The following EYA1 variants were observed in gnomAD, a reference collection of about 807,000 sequenced individuals.
The protein encoded by EYA1 is protein phosphatase EYA1.
Under a neutral mutation model 82.0 loss-of-function variants are expected in EYA1, and 16 were observed. The observed-to-expected ratio is 0.20, with a 90% CI of 0.13 to 0.30. The LOEUF (loss-of-function observed/expected upper bound fraction) is 0.30. EYA1 is among the 10% of genes least tolerant of loss of function. The probability of loss-of-function intolerance (pLI) is 1.00; values close to 1 mark genes in which losing one functional copy is unlikely to be tolerated. For synonymous variants in EYA1, 261 were observed against 264.4 expected (o/e 0.99, Z 0.12); for missense variants, 633 against 730.7 (o/e 0.87, Z 1.54).
At position 71,397,110 on chromosome 8, in the gene EYA1, C is replaced by A. The variant is rs190989217; in HGVS notation, c.34-40599G>T. Among the ~76,000 whole-genome samples the A allele has an allele frequency of 8.5e-5, 13 of 152,226 alleles. No homozygotes were observed. The East Asian group carries it at 2.3e-3, about 27-fold the overall frequency. The stretch of plus-strand genomic sequence containing the variant: ...GTTTTATCAGAGACCAGGATTGCAA[C>A]CCCTGCTTTTTTTTGTTTTCCATTT... On this transcript the variant is annotated intron_variant, in intron 2 of 18. Coordinates refer to the EYA1 transcript ENST00000643681.
At chr8:71,217,802 A>G (rs1809405891) in intron 12 of EYA1, among the ~76,000 whole-genome samples, 1 of 152,182 alleles carries the variant, frequency 6.6e-6, no homozygotes, top group African/African-American at 2.4e-5. Flanking sequence ...TAAATCCCAA[A>G]CTGTGTAAAC....
chr8:71,326,184 A>T (rs1409439009), intron 4 of EYA1, among the ~76,000 whole-genome samples: 1 of 152,174 alleles, frequency 6.6e-6, no homozygotes, highest in African/African-American at 2.4e-5. Context: ...AATGAATAAT[A>T]ATTACAATCT....
intron 2 of EYA1, among the ~76,000 whole-genome samples, chr8:71,456,017 C>T (rs1807869497): frequency 6.6e-6 from 1 of 152,214 alleles, no homozygotes; most frequent in African/African-American, 2.4e-5. Context: ...CCCATTATCT[C>T]AGCCCAAAAT....
chr8:71,495,411 C>T (rs1321959708), intron 2 of EYA1, among the ~76,000 whole-genome samples: 2 of 151,928 alleles, frequency 1.3e-5, no homozygotes, highest in African/African-American at 2.4e-5. Context: ...GTCAGGAGTT[C>T]GAGACCAACC....
At chr8:71,477,529 T>C (rs563056929) in intron 2 of EYA1, among the ~76,000 whole-genome samples, 1 of 150,782 alleles carries the variant, frequency 6.6e-6, no homozygotes, top group East Asian at 2.0e-4. Context: ...ACTCCCTATG[T>C]ACTAGGATGA....
At chr8:71,439,711 G>C (rs1806269262) in intron 2 of EYA1, among the ~76,000 whole-genome samples, 2 of 152,128 alleles carry the variant, frequency 1.3e-5, no homozygotes, top group South Asian at 4.1e-4. Flanking sequence ...TCAGTTGCAA[G>C]ACTGCTCAGT....
chr8:71,437,083 TTATATA>T (rs59140624), intron 2 of EYA1, among the ~76,000 whole-genome samples: 62 of 144,928 alleles, frequency 4.3e-4, no homozygotes, highest in African/African-American at 1.2e-3. Flanking sequence ...TCCATCTTGT[TTATATA>T]TATATATATA....
chr8:71,246,527 CT>C (rs1373946354), intron 11 of EYA1, among the ~76,000 whole-genome samples: 1 of 152,170 alleles, frequency 6.6e-6, no homozygotes, highest in Non-Finnish European at 1.5e-5. Context: ...TGTGTTACCC[CT>C]ACTCTTTAAC....
intron 2 of EYA1, among the ~76,000 whole-genome samples, chr8:71,498,308 GATAA>G (rs1811569081): frequency 6.6e-6 from 1 of 152,104 alleles, no homozygotes; most frequent in Non-Finnish European, 1.5e-5. Context: ...TGTTGTACAT[GATAA>G]ATACATACAA....
chr8:71,468,166 A>T (rs1262564952), intron 2 of EYA1, among the ~76,000 whole-genome samples: 1 of 152,172 alleles, frequency 6.6e-6, no homozygotes, highest in Non-Finnish European at 1.5e-5. Flanking sequence ...TGGATCCATG[A>T]GATTTATTAT....
At position 71,472,786 on chromosome 8, in the gene EYA1, A is replaced by AAG. The variant is rs796164821; in HGVS notation, c.33+62956_33+62957dup. Among the ~76,000 whole-genome samples the AAG allele has an allele frequency of 9.5e-3, 782 of 82,432 alleles. 7 individuals carry two copies. The highest frequency in any genetic ancestry group is 0.032 in the Middle Eastern group (4 of 124). The allele number at this position is 82,432 out of a possible 152,430, so 54.1% of individuals were successfully genotyped here. A position where few individuals can be genotyped will look rare whatever the true frequency, so the allele number is the denominator to read the frequency against. On this transcript the variant is annotated intron_variant, in intron 2 of 18. Coordinates refer to the EYA1 transcript ENST00000643681. Reference sequence around the variant, plus strand: ...TACATGCATTTTAGATGTAGCTTTGAAGATATATATATATATATATATATA... The same window carrying AAG: ...TACATGCATTTTAGATGTAGCTTTGAAGAGATATATATATATATATATATATA...
At chr8:71,507,536 C>CAT (rs1247330630) in intron 2 of EYA1, among the ~76,000 whole-genome samples, 4 of 152,194 alleles carry the variant, frequency 2.6e-5, no homozygotes, top group Admixed American at 6.5e-5. Context: ...TCATCCCACA[C>CAT]ATGTAATTGT....
intron 7 of EYA1, among the ~76,000 whole-genome samples, chr8:71,301,798 C>T (rs17711309): frequency 0.091 from 13,904 of 152,096 alleles, 785 homozygotes; most frequent in South Asian, 0.2. Context: ...GTGGTAATTA[C>T]ATGCAAAGGA....
At chr8:71,333,496 T>C (rs557337462) in intron 4 of EYA1, among the ~76,000 whole-genome samples, 1 of 152,220 alleles carries the variant, frequency 6.6e-6, no homozygotes, top group Non-Finnish European at 1.5e-5. Flanking sequence ...GGCAAACATA[T>C]AATCACATTC....
intron 2 of EYA1, among the ~76,000 whole-genome samples, chr8:71,393,095 A>G (rs1829370656): frequency 6.6e-6 from 1 of 152,148 alleles, no homozygotes; most frequent in Admixed American, 6.6e-5. Context: ...AAAACTATGT[A>G]CCTCTATTTT....
intron 2 of EYA1, chr8:71,535,594 A>T (rs1375463965): frequency 1.8e-6 from 1 of 553,508 alleles, no homozygotes. Context: ...ACAGTGTACT[A>T]CTTAATTCAT....
chr8:71,410,015 G>T (rs1243505371), intron 2 of EYA1, among the ~76,000 whole-genome samples: 1 of 151,710 alleles, frequency 6.6e-6, no homozygotes, highest in Non-Finnish European at 1.5e-5. Context: ...ACATCAAAAA[G>T]CTTATCCACC....
chr8:71,487,805 G>A (rs1012367092), intron 2 of EYA1, among the ~76,000 whole-genome samples: 2 of 152,124 alleles, frequency 1.3e-5, no homozygotes, highest in East Asian at 1.9e-4. Flanking sequence ...TAACGTTTTA[G>A]AAGAAAAACA....
intron 2 of EYA1, among the ~76,000 whole-genome samples, chr8:71,430,269 C>A (rs1805520252): frequency 6.6e-6 from 1 of 152,048 alleles, no homozygotes. Context: ...AAGAAGATAT[C>A]ATTAAGAAAA....
Sources: gnomAD v4.1 joint callset for allele counts (sites outside exome capture counted in the v4.1 genomes callset) on GRCh38, gnomAD v4.1.1 for gene constraint, MANE v1.5 for transcripts, NCBI Gene and HGNC (gene_info 2026-07-23, HGNC 2026-07-21) for gene names.